Variants in ZFPM2 observed in about 807,000 individuals in gnomAD.
ZFPM2 encodes zinc finger protein ZFPM2.
Under a neutral mutation model 98.6 loss-of-function variants are expected in ZFPM2, and 20 were observed. The observed-to-expected ratio is 0.20, with a 90% CI of 0.14 to 0.29. ZFPM2 has a LOEUF of 0.29. Ranked by LOEUF, ZFPM2 falls within the 10% of genes least tolerant of loss-of-function variation. ZFPM2 has a pLI of 1.00. For synonymous variants in ZFPM2, 518 were observed against 502.7 expected (o/e 1.03, Z -0.41); for missense variants, 1,310 against 1,388.6 (o/e 0.94, Z 0.90).
intron 5 of ZFPM2, among the ~76,000 whole-genome samples, chr8:105,698,656 T>C (rs1418908032): frequency 6.6e-6 from 1 of 152,168 alleles, no homozygotes; most frequent in Non-Finnish European, 1.5e-5. Context: ...ACAAAGTTCA[T>C]GGATTATACA....
intron 4 of ZFPM2, among the ~76,000 whole-genome samples, chr8:105,584,418 A>T (rs1351853395): frequency 6.6e-6 from 1 of 152,178 alleles, no homozygotes; most frequent in South Asian, 2.1e-4. Context: ...CTGAATTTGA[A>T]TGTGCCAAGA....
intron 3 of ZFPM2, among the ~76,000 whole-genome samples, chr8:105,476,958 G>C (rs1813024262): frequency 6.6e-6 from 1 of 152,122 alleles, no homozygotes; most frequent in Non-Finnish European, 1.5e-5. Flanking sequence ...TCAGGAGATA[G>C]AGATTGCAAA....
At chr8:105,692,871 T>C (rs1190210402) in intron 5 of ZFPM2, among the ~76,000 whole-genome samples, 1 of 152,200 alleles carries the variant, frequency 6.6e-6, no homozygotes, top group Non-Finnish European at 1.5e-5. Flanking sequence ...AGGTTAAAGA[T>C]TTTTTTCATT....
chr8:105,420,956 C>A (rs1811779895), intron 2 of ZFPM2, among the ~76,000 whole-genome samples: 1 of 152,114 alleles, frequency 6.6e-6, no homozygotes, highest in East Asian at 1.9e-4. Flanking sequence ...TTGGGACGAT[C>A]TCTGGTTAAG....
intron 1 of ZFPM2, among the ~76,000 whole-genome samples, chr8:105,380,771 ATACACATATATGTG>A (rs1306516384): frequency 5.5e-5 from 2 of 36,336 alleles, no homozygotes; most frequent in Admixed American, 6.1e-4. Context: ...TATATAATAT[ATACACATATATGTG>A]TATATATATT....
chr8:105,520,334 G>A (rs989482780), intron 3 of ZFPM2, among the ~76,000 whole-genome samples: 9 of 152,008 alleles, frequency 5.9e-5, no homozygotes, highest in Admixed American at 3.9e-4. Flanking sequence ...ATATATATTT[G>A]GGCAGCAGCC....
intron 1 of ZFPM2, among the ~76,000 whole-genome samples, chr8:105,392,380 A>G: frequency 6.6e-6 from 1 of 152,214 alleles, no homozygotes; most frequent in East Asian, 1.9e-4. Context: ...AAATTAATCT[A>G]GGTAATTATA....
intron 5 of ZFPM2, among the ~76,000 whole-genome samples, chr8:105,650,160 G>C (rs537258300): frequency 5.9e-5 from 9 of 152,156 alleles, no homozygotes; most frequent in Non-Finnish European, 1.3e-4. Flanking sequence ...TAGTTTGTTT[G>C]CATAGAGGTG....
At chr8:105,397,619 T>C (rs1413953977) in intron 1 of ZFPM2, among the ~76,000 whole-genome samples, 1 of 152,160 alleles carries the variant, frequency 6.6e-6, no homozygotes, top group African/African-American at 2.4e-5. Flanking sequence ...CTCTTAGAGG[T>C]ACATTAAATA....
chr8:105,319,143 G>A (rs1467109974), intron 1 of ZFPM2, among the ~76,000 whole-genome samples, 162 bp downstream of exon 1: 3 of 152,120 alleles, frequency 2.0e-5, no homozygotes. Flanking sequence ...CAACTAGACA[G>A]TCATAGACAG....
intron 5 of ZFPM2, among the ~76,000 whole-genome samples, chr8:105,694,884 G>T (rs1314420618): frequency 6.6e-6 from 1 of 152,024 alleles, no homozygotes; most frequent in East Asian, 1.9e-4. Context: ...TTTATCAGTG[G>T]TATTCTAGCA....
intron 5 of ZFPM2, among the ~76,000 whole-genome samples, chr8:105,751,791 T>C (rs1165580277): frequency 6.6e-6 from 1 of 150,876 alleles, no homozygotes; most frequent in Non-Finnish European, 1.5e-5. Flanking sequence ...TTAGGTAGAT[T>C]GTTAAAAAAA....
At chr8:105,526,876 T>G (rs1244457950) in intron 3 of ZFPM2, among the ~76,000 whole-genome samples, 1 of 152,178 alleles carries the variant, frequency 6.6e-6, no homozygotes, top group African/African-American at 2.4e-5. Context: ...TTCTCTCTTC[T>G]TGTAACATGG....
At chr8:105,534,961 A>G (rs1814418476) in intron 3 of ZFPM2, among the ~76,000 whole-genome samples, 1 of 152,156 alleles carries the variant, frequency 6.6e-6, no homozygotes, top group Non-Finnish European at 1.5e-5. Flanking sequence ...TTCAGACACT[A>G]CTTACATTGA....
At chr8:105,332,868 T>G (rs112222279) in intron 1 of ZFPM2, among the ~76,000 whole-genome samples, 1 of 151,786 alleles carries the variant, frequency 6.6e-6, no homozygotes, top group African/African-American at 2.4e-5. Flanking sequence ...CAGTGAATAG[T>G]TGTGGCCAAA....
intron 3 of ZFPM2, among the ~76,000 whole-genome samples, chr8:105,516,567 T>A (rs1813925933): frequency 1.3e-5 from 2 of 152,198 alleles, no homozygotes; most frequent in Admixed American, 1.3e-4. Context: ...AAATTGGACA[T>A]TATTTAGGAA....
chr8:105,631,097 G>T lies in ZFPM2; in HGVS notation c.421-3149G>T, dbSNP rs201765401. On this transcript the variant is annotated intron_variant, in intron 4 of 7. Coordinates refer to ENST00000407775, the MANE Select transcript of ZFPM2 (RefSeq NM_012082.4). ...TTTTTCAGTTGCAATTTTCTTATCTGAAAATATACATGAGGACTAGGTAAG... is the reference window on the plus strand; with the variant it reads ...TTTTTCAGTTGCAATTTTCTTATCTTAAAATATACATGAGGACTAGGTAAG... Among the ~76,000 whole-genome samples, 13 of 152,210 alleles carry T rather than the reference G, an allele frequency of 8.5e-5. No individual in the cohort carries two copies. The East Asian group carries it at 2.5e-3, about 29-fold the overall frequency.
chr8:105,798,448 G>A (rs770431619), intron 6 of ZFPM2: 21 of 291,522 alleles, frequency 7.2e-5, no homozygotes, highest in Non-Finnish European at 1.1e-4. Flanking sequence ...AGAATCTGTC[G>A]CAAAAAATAA....
At position 105,632,657 on chromosome 8, in the gene ZFPM2, T is replaced by C. The variant is rs564633354; in HGVS notation, c.421-1589T>C. Among the ~76,000 whole-genome samples the C allele has an allele frequency of 7.6e-4, 116 of 152,304 alleles. 3 individuals carry two copies. The highest frequency in any genetic ancestry group is 3.3e-3 in the South Asian group (16 of 4,830). On this transcript the variant is annotated intron_variant, in intron 4 of 7. Transcript: ENST00000407775. ...TAATGCTTCGTCAGACTGATAACAATAGGGATAACTTGATAACATTTTTGT... is the reference window on the plus strand; with the variant it reads ...TAATGCTTCGTCAGACTGATAACAACAGGGATAACTTGATAACATTTTTGT...
Sources: gnomAD v4.1 joint callset for allele counts (sites outside exome capture counted in the v4.1 genomes callset) on GRCh38, gnomAD v4.1.1 for gene constraint, MANE v1.5 for transcripts, NCBI Gene and HGNC (gene_info 2026-07-23, HGNC 2026-07-21) for gene names.